Variants in MTSS1 observed in about 807,000 individuals in gnomAD.
The protein encoded by MTSS1 is protein MTSS 1.
In MTSS1, 18 loss-of-function variants were observed where a neutral mutation model predicts 79.0. The ratio of observed to expected loss-of-function variants is 0.23; its 90% confidence interval spans 0.16 to 0.34. The LOEUF (loss-of-function observed/expected upper bound fraction) is 0.34. Ranked by LOEUF, MTSS1 falls within the 10% of genes least tolerant of loss-of-function variation. The probability of loss-of-function intolerance (pLI) is 1.00; values close to 1 mark genes in which losing one functional copy is unlikely to be tolerated. For missense variants in MTSS1, 815 were observed against 986.2 expected (o/e 0.83, Z 2.33); for synonymous variants, 341 against 368.6 (o/e 0.93, Z 0.86).
At chr8:124,655,710 T>G (rs1820814362) in intron 3 of MTSS1, among the ~76,000 whole-genome samples, 1 of 152,098 alleles carries the variant, frequency 6.6e-6, no homozygotes, top group African/African-American at 2.4e-5. Context: ...ACTGTGGAAC[T>G]ACTGAACCCA....
chr8:124,704,086 T>C, intron 2 of MTSS1, 44 bp downstream of exon 2: 2 of 1,558,880 alleles, frequency 1.3e-6, no homozygotes, highest in Non-Finnish European at 8.8e-7. Flanking sequence ...CATCCTTGTC[T>C]GAGGATGTTG....
chr8:124,697,596 C>A (rs921085963), intron 3 of MTSS1, among the ~76,000 whole-genome samples: 2 of 151,256 alleles, frequency 1.3e-5, no homozygotes, highest in East Asian at 1.9e-4. Flanking sequence ...AAAAAAAAAA[C>A]CCTATACTGA....
Position 124,567,541 on chromosome 8 carries a change from T to G in MTSS1, c.619-363A>C, listed in dbSNP as rs1159028269. The G allele has an allele frequency of 4.0e-6, 5 of 1,255,798 alleles. No individual in the cohort carries two copies. In the African/African-American group the frequency reaches 7.6e-5, roughly 19 times the overall value. 77.8% of individuals were successfully genotyped at this position (1,255,798 alleles called of 1,614,324 possible). ...TGGCCCTTTTCTGAAGTTGCTTAGC[T>G]TCAATGGATGACACGACTTGGATAT... On this transcript the variant is annotated intron_variant, in intron 7 of 13. Transcript: ENST00000518547.
At chr8:124,660,815 C>T (rs904510568) in intron 3 of MTSS1, among the ~76,000 whole-genome samples, 3 of 152,192 alleles carry the variant, frequency 2.0e-5, no homozygotes, top group Non-Finnish European at 4.4e-5. Flanking sequence ...CTCCTGGGTG[C>T]CCTGTGATAC....
At chr8:124,604,162 G>A (rs1329046996) in intron 3 of MTSS1, among the ~76,000 whole-genome samples, 4 of 151,934 alleles carry the variant, frequency 2.6e-5, no homozygotes, top group South Asian at 4.2e-4. Context: ...GCAGTGAGCC[G>A]AAATCAAGCC....
chr8:124,598,345 T>C (rs1266626497), intron 3 of MTSS1, among the ~76,000 whole-genome samples: 2 of 152,194 alleles, frequency 1.3e-5, no homozygotes, highest in African/African-American at 4.8e-5. Flanking sequence ...CTGTGTATTG[T>C]AGGATGTTTT....
intron 3 of MTSS1, among the ~76,000 whole-genome samples, chr8:124,609,650 T>C (rs563069748): frequency 6.6e-6 from 1 of 152,320 alleles, no homozygotes; most frequent in Admixed American, 6.5e-5. Context: ...TTCTCACACT[T>C]AATGCGCTGT....
rs2135939872 is a variant in MTSS1 at position 124,728,260 on chromosome 8, C to A, written c.-305G>T. 3.9e-6 allele frequency: 1 copy of A among 257,656 alleles called. No homozygotes were observed. The highest frequency in any genetic ancestry group is 7.3e-6 in the Non-Finnish European group (1 of 136,834). The allele number at this position is 257,656 out of a possible 1,614,324, so 16.0% of individuals were successfully genotyped here. ...CCACTGGTGCCCACTACGGAAACGG[C>A]AAAGCCCATCTTGATGCAGAGAAAA... On this transcript the variant is annotated 5_prime_UTR_variant, in exon 1 of 14. Transcript: ENST00000518547. The surrounding 1 kb of genome is among the most constrained non-coding windows in gnomAD (Gnocchi z 6.1).
At position 124,710,152 on chromosome 8, in the gene MTSS1, C is replaced by T. The variant is rs370254151; in HGVS notation, c.73-5961G>A. On this transcript the variant is annotated intron_variant, in intron 1 of 13. Coordinates refer to ENST00000518547, the MANE Select transcript of MTSS1 (RefSeq NM_014751.6). ...ATGCTGGCCACTCCTCCAGGCAGGA[C>T]ATGGGCGAAGTGGCCCAGGTGGGCA... Among the ~76,000 whole-genome samples, 115 of 152,352 alleles carry T rather than the reference C, an allele frequency of 7.5e-4. 4 individuals are homozygous for T. The South Asian group carries it at 0.023, about 31-fold the overall frequency.
At chr8:124,555,240 C>T (rs1234499681) in intron 13 of MTSS1, among the ~76,000 whole-genome samples, 1 of 152,010 alleles carries the variant, frequency 6.6e-6, no homozygotes, top group East Asian at 1.9e-4. Flanking sequence ...GTCCAGATCC[C>T]TTTATTTATT....
intron 6 of MTSS1, among the ~76,000 whole-genome samples, chr8:124,570,340 G>A (rs900974123): frequency 1.1e-4 from 16 of 151,922 alleles, no homozygotes; most frequent in Non-Finnish European, 5.9e-5. Context: ...TCCACGGAGG[G>A]GTGCTACCCA....
intron 3 of MTSS1, among the ~76,000 whole-genome samples, chr8:124,654,126 C>A (rs1252516870): frequency 1.3e-5 from 2 of 152,196 alleles, no homozygotes; most frequent in African/African-American, 4.8e-5. Flanking sequence ...ATCATCGTCG[C>A]TGACCTGTAG....
chr8:124,654,809 A>AT (rs1473421148), intron 3 of MTSS1, among the ~76,000 whole-genome samples: 25 of 152,146 alleles, frequency 1.6e-4, no homozygotes, highest in African/African-American at 6.0e-4. Flanking sequence ...AAATTTCCTT[A>AT]CATTCCTCAT....
At chr8:124,660,716 GATATCAGTGTTCTAAA>G (rs1313822877) in intron 3 of MTSS1, among the ~76,000 whole-genome samples, 1 of 152,214 alleles carries the variant, frequency 6.6e-6, no homozygotes, top group East Asian at 1.9e-4. Context: ...AAATGCACAT[GATATCAGTGTTCTAAA>G]ATTCTGAATG....
chr8:124,629,501 G>A (rs1478704995), intron 3 of MTSS1, among the ~76,000 whole-genome samples: 5 of 98,852 alleles, frequency 5.1e-5, no homozygotes, highest in African/African-American at 2.1e-4. Flanking sequence ...GAATGACTCC[G>A]TCTCAAAAAA....
intron 3 of MTSS1, among the ~76,000 whole-genome samples, chr8:124,604,118 C>A (rs1428452987): frequency 6.6e-5 from 10 of 152,092 alleles, no homozygotes; most frequent in African/African-American, 2.2e-4. Context: ...GAAGCTGAGG[C>A]AGGAAAATCG....
intron 2 of MTSS1, among the ~76,000 whole-genome samples, chr8:124,700,135 C>T (rs547028902): frequency 4.9e-4 from 67 of 135,548 alleles, no homozygotes; most frequent in African/African-American, 1.8e-3. Flanking sequence ...CAAGACTCTG[C>T]CTCAAAAAAA....
At chr8:124,558,323 AG>A (rs890965180) in intron 10 of MTSS1, among the ~76,000 whole-genome samples, 5 of 42,698 alleles carry the variant, frequency 1.2e-4, no homozygotes, top group African/African-American at 5.0e-4. Flanking sequence ...AATCAAGGGC[AG>A]GGGGGTGGGG....
At chr8:124,676,478 C>G (rs1238530616) in intron 3 of MTSS1, among the ~76,000 whole-genome samples, 1 of 152,204 alleles carries the variant, frequency 6.6e-6, no homozygotes, top group Non-Finnish European at 1.5e-5. Flanking sequence ...AGCTCAAAAC[C>G]TCATGTGGAC....
Sources: gnomAD v4.1 joint callset for allele counts (sites outside exome capture counted in the v4.1 genomes callset) on GRCh38, gnomAD v4.1.1 for gene constraint, Gnocchi (gnomAD v3.1) non-coding constraint, MANE v1.5 for transcripts, NCBI Gene and HGNC (gene_info 2026-07-23, HGNC 2026-07-21) for gene names.